The following TBC1D22A variants were observed in gnomAD, a reference collection of about 807,000 sequenced individuals.
TBC1D22A encodes the protein putative GTPase activator.
In TBC1D22A, 38 loss-of-function variants were observed where a neutral mutation model predicts 60.2. The ratio of observed to expected loss-of-function variants is 0.63; its 90% CI spans 0.49 to 0.83. The LOEUF is 0.83. TBC1D22A is among the 40% of genes least tolerant of loss of function. TBC1D22A has a pLI of 0.00. For synonymous variants in TBC1D22A, 302 were observed against 281.7 expected (o/e 1.07, Z -0.72); for missense variants, 628 against 701.0 (o/e 0.90, Z 1.18).
chr22:47,123,882 G>A (rs141751816), intron 12 of TBC1D22A, among the ~76,000 whole-genome samples: 1 of 152,076 alleles, frequency 6.6e-6, no homozygotes, highest in East Asian at 1.9e-4. Flanking sequence ...TGCTGTGTGG[G>A]GTTTGTGTTG....
At chr22:46,928,673 G>A (rs1295961712) in intron 8 of TBC1D22A, among the ~76,000 whole-genome samples, 1 of 152,150 alleles carries the variant, frequency 6.6e-6, no homozygotes, top group Non-Finnish European at 1.5e-5. Context: ...TATCTGAAAA[G>A]AGACTCATAT....
intron 11 of TBC1D22A, among the ~76,000 whole-genome samples, chr22:47,086,857 C>T (rs914232316): frequency 3.3e-5 from 5 of 152,152 alleles, no homozygotes; most frequent in African/African-American, 1.2e-4. Flanking sequence ...CAGGAGCCAT[C>T]CAAAAGATTA....
chr22:46,927,919 T>TA (rs1469776947), intron 8 of TBC1D22A, among the ~76,000 whole-genome samples: 1 of 152,128 alleles, frequency 6.6e-6, no homozygotes, highest in Admixed American at 6.5e-5. Flanking sequence ...TGAAATAAAT[T>TA]AAAGAGGATC....
intron 11 of TBC1D22A, among the ~76,000 whole-genome samples, chr22:47,062,690 G>A (rs2063620386): frequency 6.6e-6 from 1 of 152,220 alleles, no homozygotes; most frequent in Non-Finnish European, 1.5e-5. Flanking sequence ...GGAAGTGGGT[G>A]AGGGGAGAAG....
At chr22:47,070,285 G>A (rs904786094) in intron 11 of TBC1D22A, among the ~76,000 whole-genome samples, 2 of 147,782 alleles carry the variant, frequency 1.4e-5, no homozygotes, top group Non-Finnish European at 3.0e-5. Context: ...GTCCCCTGTT[G>A]TTTGGTTGGA....
At chr22:47,150,693 G>C (rs542883609) in intron 12 of TBC1D22A, among the ~76,000 whole-genome samples, 1 of 152,160 alleles carries the variant, frequency 6.6e-6, no homozygotes, top group Admixed American at 6.5e-5. Flanking sequence ...GGGCTGCAGC[G>C]CTAGCTCAAG....
At chr22:46,933,021 C>A (rs2071445616) in intron 8 of TBC1D22A, among the ~76,000 whole-genome samples, 1 of 152,174 alleles carries the variant, frequency 6.6e-6, no homozygotes, top group South Asian at 2.1e-4. Context: ...CTGTGCCCGG[C>A]CTCCTCCTTG....
At chr22:46,968,375 G>A (rs1263606580) in intron 8 of TBC1D22A, among the ~76,000 whole-genome samples, 1 of 152,254 alleles carries the variant, frequency 6.6e-6, no homozygotes. Flanking sequence ...GCGTGGCATG[G>A]ACCCCACAGG....
intron 11 of TBC1D22A, among the ~76,000 whole-genome samples, chr22:47,087,946 G>A (rs1279749990): frequency 3.3e-5 from 5 of 152,092 alleles, no homozygotes; most frequent in Admixed American, 1.3e-4. Flanking sequence ...GGTGGCGGGC[G>A]CCTGTAGTTC....
chr22:46,772,016 T>G (rs2083495292), intron 1 of TBC1D22A, among the ~76,000 whole-genome samples: 1 of 152,016 alleles, frequency 6.6e-6, no homozygotes, highest in African/African-American at 2.4e-5. Context: ...ATTCATTCCT[T>G]TTTATGGCTA....
chr22:46,782,172 A>G (rs1032597746), intron 1 of TBC1D22A, among the ~76,000 whole-genome samples: 1 of 152,216 alleles, frequency 6.6e-6, no homozygotes, highest in Non-Finnish European at 1.5e-5. Context: ...CTTCTGCCTC[A>G]GCCTCCTGGG....
intron 3 of TBC1D22A, 57 bp from the exon 4 acceptor site, chr22:46,797,387 G>T: frequency 6.3e-7 from 1 of 1,590,306 alleles, no homozygotes; most frequent in South Asian, 1.1e-5. Flanking sequence ...CAGCAAGGAG[G>T]AACGTGTAGT....
At chr22:46,934,065 C>G (rs1418260537) in intron 8 of TBC1D22A, among the ~76,000 whole-genome samples, 3 of 152,142 alleles carry the variant, frequency 2.0e-5, no homozygotes, top group African/African-American at 7.2e-5. Context: ...TTTATCTTCT[C>G]GAAAGGAAAA....
At chr22:46,792,740 T>C (rs577495610) in intron 2 of TBC1D22A, 164 bp downstream of exon 2, 1 of 1,507,652 alleles carries the variant, frequency 6.6e-7, no homozygotes, top group East Asian at 2.4e-5. Flanking sequence ...TGAGATACTG[T>C]GCACCCCGTG....
intron 2 of TBC1D22A, 91 bp from the exon 3 acceptor site, chr22:46,793,410 A>G (rs559352018): frequency 1.3e-5 from 16 of 1,252,912 alleles, no homozygotes; most frequent in South Asian, 1.2e-4. Context: ...GAACACTTCT[A>G]TGCCTGTCTT....
intron 4 of TBC1D22A, among the ~76,000 whole-genome samples, chr22:46,818,876 G>A (rs976442262): frequency 7.2e-6 from 1 of 139,612 alleles, no homozygotes; most frequent in Admixed American, 7.2e-5. Flanking sequence ...AGGATGGAAT[G>A]TGTTTTCCTT....
chr22:47,077,983 A>T lies in TBC1D22A; in HGVS notation c.1330-33525A>T, dbSNP rs571165884. ...CGCTCCTTCCTGGAATGGTTGTCTC[A>T]GTGTTGCCTTGCCTTGCCCAGCAGC... On this transcript the variant is annotated intron_variant, in intron 11 of 12. Transcript: ENST00000337137. 7.9e-4 allele frequency among the ~76,000 whole-genome samples: 120 copies of T among 152,286 alleles called. 3 individuals are homozygous for T. In the South Asian group the frequency reaches 0.023, roughly 30 times the overall value.
At chr22:47,127,826 C>G (rs73889411) in intron 12 of TBC1D22A, among the ~76,000 whole-genome samples, 1 of 151,630 alleles carries the variant, frequency 6.6e-6, no homozygotes, top group Non-Finnish European at 1.5e-5. Flanking sequence ...TGGCAAGTGC[C>G]TTATGTTGGT....
At chr22:46,900,742 G>A (rs145131448) in intron 7 of TBC1D22A, among the ~76,000 whole-genome samples, 311 of 152,286 alleles carry the variant, frequency 2.0e-3, no homozygotes, top group Non-Finnish European at 3.6e-3. Flanking sequence ...TTTTCCTGCT[G>A]AGTAGTGTTC....
Sources: gnomAD v4.1 joint callset for allele counts (sites outside exome capture counted in the v4.1 genomes callset) on GRCh38, gnomAD v4.1.1 for gene constraint, MANE v1.5 for transcripts, NCBI Gene and HGNC (gene_info 2026-07-23, HGNC 2026-07-21) for gene names.